RBM22: variants seen among roughly 807,000 people sequenced by gnomAD.
The protein encoded by RBM22 is RNA binding motif protein 22.
In RBM22, 1 loss-of-function variant was observed where a neutral mutation model predicts 50.1. That is an observed-to-expected ratio of 0.02 (90% CI 0.01 to 0.09). RBM22 has a LOEUF of 0.09. RBM22 is among the 10% of genes least tolerant of loss of function. RBM22 has a pLI of 1.00. For synonymous variants in RBM22, 152 were observed against 179.0 expected (o/e 0.85, Z 1.20); for missense variants, 264 against 529.3 (o/e 0.50, Z 4.92).
rs182027268 is a variant in RBM22, at chr5:150,693,167, G to A, written c.1000+52C>T. ...GACCTGGGTCCCATCTTCCAAAATA[G>A]GAACATCAGGGCAGAAAGAGCTTCT... On this transcript the variant is annotated intron_variant, in intron 9 of 10. Transcript: ENST00000199814. 71 of 1,567,376 alleles carry A rather than the reference G, an allele frequency of 4.5e-5. No homozygotes were observed. The East Asian group carries it at 1.4e-3, about 31-fold the overall frequency.
Position 150,691,713 on chromosome 5 carries a change from C to T in RBM22, c.*38G>A, listed in dbSNP as rs376368982. 6.3e-5 allele frequency: 92 copies of T among 1,455,302 alleles called. No individual in the cohort carries two copies. The highest frequency in any genetic ancestry group is 7.5e-5 in the Non-Finnish European group (82 of 1,097,194). The allele number at this position is 1,455,302 out of a possible 1,614,324, so 90.1% of individuals were successfully genotyped here. On this transcript the variant is annotated 3_prime_UTR_variant, in exon 11 of 11. Coordinates refer to ENST00000199814, the MANE Select transcript of RBM22 (RefSeq NM_018047.3). ...CAAGATTTACTGGGAGTTTTAAGTG[C>T]CCTTTCTTCCACAGAGCCCCAGAGT...
intron 8 of RBM22, 112 bp downstream of exon 8, chr5:150,693,964 A>T: frequency 7.5e-7 from 1 of 1,332,542 alleles, no homozygotes; most frequent in Non-Finnish European, 1.0e-6. Context: ...AGATCTCTTT[A>T]AAGATCCTGT....
intron 4 of RBM22, 34 bp downstream of exon 4, chr5:150,698,465 A>G (rs995507994): frequency 1.9e-6 from 3 of 1,607,574 alleles, no homozygotes; most frequent in Non-Finnish European, 2.6e-6. Flanking sequence ...AGGCACCTGC[A>G]CACTTTCAGA....
At chr5:150,698,431 G>C (rs1225704663) in intron 4 of RBM22, 68 bp downstream of exon 4, 5 of 1,558,576 alleles carry the variant, frequency 3.2e-6, no homozygotes, top group Non-Finnish European at 4.4e-6. Context: ...CGAAGTGGGA[G>C]ACAAAAGACT....
Position 150,695,550 on chromosome 5 carries a change from T to G in RBM22, c.702A>C (p.Leu234=). ...TGGTATCACCTAGACCACCAACATA[T>G]AGTGTGGTGATAGTTTTATCCTCTG... The part of the protein sequence containing the change: ...DPPEDKTITT[L]YVGGLGDTIT... Residue 234 remains leucine (L), a synonymous_variant, in exon 7 of 11, where the codon CTA becomes CTC. Transcript: ENST00000199814. 1 of 1,613,968 alleles carries G rather than the reference T, an allele frequency of 6.2e-7. No individual in the cohort carries two copies. The highest frequency in any genetic ancestry group is 8.5e-7 in the Non-Finnish European group (1 of 1,179,942).
In RBM22 at chr5:150,695,696, G is replaced by C; in HGVS notation, c.556C>G (p.Pro186Ala). 1 of 1,607,774 alleles carries C rather than the reference G, an allele frequency of 6.2e-7. No homozygotes were observed. The highest frequency in any genetic ancestry group is 8.5e-7 in the Non-Finnish European group (1 of 1,177,242). Residue 186 changes from proline to alanine, a missense_variant, in exon 7 of 11, where the codon CCT becomes GCT. Coordinates refer to ENST00000199814, the MANE Select transcript of RBM22 (RefSeq NM_018047.3). ...GEECPYRHEK[P>A]TDPDDPLADQ... ...GCAAGGGGGTCATCTGGATCTGTAG[G>C]CTTCTCATGTCTATGATTCAAGAAA... is the stretch of plus-strand genomic sequence containing the variant.
intron 3 of RBM22, among the ~76,000 whole-genome samples, chr5:150,698,919 G>A (rs1003437413): frequency 3.9e-5 from 6 of 152,138 alleles, no homozygotes; most frequent in African/African-American, 1.4e-4. Context: ...AGTGGGGAGT[G>A]TCATGTAATT....
intron 10 of RBM22, among the ~76,000 whole-genome samples, chr5:150,692,133 C>T (rs986444597): frequency 8.5e-5 from 13 of 152,280 alleles, no homozygotes; most frequent in African/African-American, 3.1e-4. Flanking sequence ...TGCTATGTAT[C>T]CAACATGCCA....
At chr5:150,692,736 G>T (rs980329236) in intron 10 of RBM22, among the ~76,000 whole-genome samples, 159 bp downstream of exon 10, 1 of 152,136 alleles carries the variant, frequency 6.6e-6, no homozygotes, top group Non-Finnish European at 1.5e-5. Context: ...GGCAGAGCAG[G>T]AGAAAGAAAA....
chr5:150,700,308 T>C (rs780868889), intron 2 of RBM22, 136 bp downstream of exon 2: 8 of 808,400 alleles, frequency 9.9e-6, no homozygotes, highest in African/African-American at 5.1e-5. Context: ...ATGACAGTTC[T>C]TTGCAAGTCG....
At chr5:150,695,302 C>T (rs192449376) in intron 7 of RBM22, 95 of 567,864 alleles carry the variant, frequency 1.7e-4, no homozygotes, top group Middle Eastern at 9.5e-4. Flanking sequence ...AGGCATGAGG[C>T]ACTGTGCCCA....
At position 150,696,456 on chromosome 5, in the gene RBM22, A is replaced by T. The variant is rs1561678707; in HGVS notation, c.545+77T>A. On this transcript the variant is annotated intron_variant, in intron 6 of 10. Transcript: ENST00000199814. The surrounding 1 kb of genome is among the most constrained non-coding windows in gnomAD (Gnocchi z 4.3). ...GACCTTTAGATTTTAAAGCAGAAAC[A>T]GTTTAAGTTAGGACCTCCCACTTCT... 2.8e-6 allele frequency: 4 copies of T among 1,440,484 alleles called. No homozygotes were observed. The highest frequency in any genetic ancestry group is 3.8e-6 in the Non-Finnish European group (4 of 1,053,246). 89.2% of individuals were successfully genotyped at this position (1,440,484 alleles called of 1,614,324 possible).
chr5:150,695,667 A>G lies in RBM22; in HGVS notation c.585T>C (p.Asp195=). The G allele has an allele frequency of 6.2e-7, 1 of 1,612,068 alleles. No homozygotes were observed. The highest frequency in any genetic ancestry group is 2.2e-5 in the East Asian group (1 of 44,864). The part of the protein sequence containing the change: ...KPTDPDDPLA[D]QNIKDRYYGI... ...CGTAATAACGGTCTTTAATATTCTGATCAGCAAGGGGGTCATCTGGATCTG... is the reference window on the plus strand; with the variant it reads ...CGTAATAACGGTCTTTAATATTCTGGTCAGCAAGGGGGTCATCTGGATCTG... Residue 195 remains aspartate, a synonymous_variant, in exon 7 of 11, where the codon GAT becomes GAC. Coordinates refer to ENST00000199814, the MANE Select transcript of RBM22 (RefSeq NM_018047.3).
chr5:150,695,486 T>A lies in RBM22; in HGVS notation c.746+20A>T. The A allele has an allele frequency of 1.3e-6, 2 of 1,588,630 alleles. No homozygotes were observed. The highest frequency in any genetic ancestry group is 1.7e-6 in the Non-Finnish European group (2 of 1,160,068). On this transcript the variant is annotated intron_variant, in intron 7 of 10. Transcript: ENST00000199814. The stretch of plus-strand genomic sequence containing the variant: ...GGGCAGTTAAAGGCAAAAATAACTC[T>A]CTAACTTATACCCACAAACCTTAAA...
chr5:150,691,908 T>G (rs1759214386), intron 10 of RBM22, 27 bp from the exon 11 acceptor site: 1 of 1,492,200 alleles, frequency 6.7e-7, no homozygotes, highest in Non-Finnish European at 9.0e-7. Context: ...ACAAATGTGT[T>G]AGGCTGGTAG....
At chr5:150,695,310 C>T (rs1678344758) in intron 7 of RBM22, 196 bp downstream of exon 7, 1 of 584,582 alleles carries the variant, frequency 1.7e-6, no homozygotes, top group South Asian at 2.1e-5. Flanking sequence ...GGCACTGTGC[C>T]CAGCCACATA....
At position 150,695,811 on chromosome 5, in the gene RBM22, G is replaced by C. The variant is rs1759269249; in HGVS notation, c.546-105C>G. The C allele has an allele frequency of 8.6e-6, 8 of 931,824 alleles. No homozygotes were observed. The South Asian group carries it at 1.2e-4, about 13-fold the overall frequency. The allele number at this position is 931,824 out of a possible 1,614,324, so 57.7% of individuals were successfully genotyped here. ...TAAAGTCCTAGATACATATTCTGAA[G>C]TGCCTTTTGAACTAGAAACTATGGT... On this transcript the variant is annotated intron_variant, in intron 6 of 10. Transcript: ENST00000199814.
At chr5:150,699,552 A>C (rs1419032962) in intron 2 of RBM22, among the ~76,000 whole-genome samples, 10 of 152,360 alleles carry the variant, frequency 6.6e-5, no homozygotes, top group Middle Eastern at 6.8e-3. Flanking sequence ...TGAGAGGCCA[A>C]GGTGGAAGGA....
chr5:150,691,823 T>G lies in RBM22; in HGVS notation c.1191A>C (p.Pro397=). The change falls in exon 11 of 11, where the codon CCA becomes CCC. Residue 397 remains proline, a synonymous_variant. Coordinates refer to ENST00000199814, the MANE Select transcript of RBM22 (RefSeq NM_018047.3). ...MGPPPPFMRA[P]GPIHYPSQDP... ...CCTGAGAAGGATAGTGGATTGGTCC[T>G]GGAGCCCGCATGAAAGGAGGGGGTG... 1.9e-6 allele frequency: 3 copies of G among 1,601,404 alleles called. No individual in the cohort carries two copies. The highest frequency in any genetic ancestry group is 2.6e-6 in the Non-Finnish European group (3 of 1,173,964).
Sources: gnomAD v4.1 joint callset for allele counts (sites outside exome capture counted in the v4.1 genomes callset) on GRCh38, gnomAD v4.1.1 for gene constraint, Gnocchi (gnomAD v3.1) non-coding constraint, MANE v1.5 for transcripts, NCBI Gene and HGNC (gene_info 2026-07-23, HGNC 2026-07-21) for gene names.